SUPT3H: variants seen among roughly 807,000 people sequenced by gnomAD.
SUPT3H encodes the protein transcription initiation protein SPT3 homolog.
In SUPT3H, 44 loss-of-function variants were observed where a neutral mutation model predicts 44.3. The observed-to-expected ratio is 0.99, with a 90% CI of 0.78 to 1.28. SUPT3H has a LOEUF of 1.28. SUPT3H is among the 50% of genes most tolerant of loss of function. The pLI, the probability that SUPT3H is intolerant of heterozygous loss-of-function variation, is 0.00. For synonymous variants in SUPT3H, 124 were observed against 125.6 expected (o/e 0.99, Z 0.09); for missense variants, 380 against 387.1 (o/e 0.98, Z 0.15).
At chr6:44,850,714 G>A (rs548458350) in intron 10 of SUPT3H, among the ~76,000 whole-genome samples, 11 of 151,928 alleles carry the variant, frequency 7.2e-5, no homozygotes, top group Non-Finnish European at 1.3e-4. Flanking sequence ...ATCCAGGGAA[G>A]CTGGGCTTAT....
rs145015323 is a variant in SUPT3H, at chr6:45,329,595, TC to T, written c.101+35605del. ...ACGTCTAAGATTCTTTTAATCACAT[TC>T]TTGGACCTACCAAAATGAATAACTG... On this transcript the variant is annotated intron_variant, in intron 2 of 10. Coordinates refer to ENST00000371459, the MANE Select transcript of SUPT3H (RefSeq NM_003599.4). Among the ~76,000 whole-genome samples the T allele has an allele frequency of 2.9e-3, 434 of 152,054 alleles. 2 individuals carry two copies. The highest frequency in any genetic ancestry group is 4.4e-3 in the Non-Finnish European group (296 of 67,896).
At position 45,342,270 on chromosome 6, in the gene SUPT3H, A is replaced by AT. The variant is rs567988524; in HGVS notation, c.101+22930dup. On this transcript the variant is annotated intron_variant, in intron 2 of 10. Transcript: ENST00000371459. ...CTAAGTTATATATAACACAATCTCA[A>AT]TTTTTTTTTTGAGACAGTGTGTCGC... Among the ~76,000 whole-genome samples the AT allele has an allele frequency of 5.6e-3, 841 of 150,054 alleles. 8 individuals are homozygous for AT. The highest frequency in any genetic ancestry group is 7.6e-3 in the Non-Finnish European group (509 of 67,248).
At chr6:45,206,129 G>T (rs1392594210) in intron 2 of SUPT3H, among the ~76,000 whole-genome samples, 1 of 152,156 alleles carries the variant, frequency 6.6e-6, no homozygotes, top group Non-Finnish European at 1.5e-5. Context: ...CCATGTGTGA[G>T]AGATACAATA....
chr6:45,176,268 G>C (rs927666450), intron 2 of SUPT3H, among the ~76,000 whole-genome samples: 2 of 150,708 alleles, frequency 1.3e-5, no homozygotes, highest in Non-Finnish European at 3.0e-5. Context: ...CCTGGGAAGC[G>C]CGAGGGGTCA....
intron 2 of SUPT3H, among the ~76,000 whole-genome samples, chr6:45,182,385 C>T (rs1584100121): frequency 6.6e-6 from 1 of 152,182 alleles, no homozygotes; most frequent in Admixed American, 6.5e-5. Flanking sequence ...CTCAAGCCCT[C>T]CAGGTAGCTG....
At chr6:45,340,176 T>C (rs1415320308) in intron 2 of SUPT3H, among the ~76,000 whole-genome samples, 1 of 152,176 alleles carries the variant, frequency 6.6e-6, no homozygotes. Flanking sequence ...TCTAAAGTTA[T>C]TAAACCAATA....
At chr6:45,298,640 C>T (rs1258158600) in intron 2 of SUPT3H, among the ~76,000 whole-genome samples, 1 of 151,746 alleles carries the variant, frequency 6.6e-6, no homozygotes, top group Non-Finnish European at 1.5e-5. Flanking sequence ...ATCCAAACAA[C>T]ACTTTGTAAA....
chr6:44,897,242 AC>A (rs1235811793), intron 10 of SUPT3H, among the ~76,000 whole-genome samples: 1 of 152,216 alleles, frequency 6.6e-6, no homozygotes, highest in African/African-American at 2.4e-5. Flanking sequence ...GCTGGGGTTA[AC>A]CTCAACTCTT....
chr6:45,232,727 A>G (rs1768287983), intron 2 of SUPT3H, among the ~76,000 whole-genome samples: 1 of 151,930 alleles, frequency 6.6e-6, no homozygotes, highest in East Asian at 1.9e-4. Flanking sequence ...CAGACACACA[A>G]CTCTCAGGTT....
chr6:45,265,176 T>TA (rs1248534811), intron 2 of SUPT3H, among the ~76,000 whole-genome samples: 1 of 152,164 alleles, frequency 6.6e-6, no homozygotes, highest in Admixed American at 6.5e-5. Context: ...GACCTCTCAA[T>TA]AGGACACCTA....
intron 2 of SUPT3H, among the ~76,000 whole-genome samples, chr6:45,304,110 G>A (rs979064910): frequency 1.3e-5 from 2 of 152,056 alleles, no homozygotes; most frequent in African/African-American, 4.8e-5. Context: ...TACAGATCAG[G>A]ATCAGTAAGA....
At chr6:44,877,654 G>A (rs1582151363) in intron 10 of SUPT3H, among the ~76,000 whole-genome samples, 1 of 152,148 alleles carries the variant, frequency 6.6e-6, no homozygotes. Context: ...TTATGTGTGT[G>A]TGTATCTATA....
At chr6:45,030,954 C>T (rs1424348381) in intron 3 of SUPT3H, among the ~76,000 whole-genome samples, 1 of 152,032 alleles carries the variant, frequency 6.6e-6, no homozygotes, top group Admixed American at 6.6e-5. Flanking sequence ...GAAGAGTGTT[C>T]CAGAATCTTT....
intron 6 of SUPT3H, among the ~76,000 whole-genome samples, chr6:44,999,252 T>C (rs1011034217): frequency 2.0e-5 from 3 of 152,002 alleles, no homozygotes; most frequent in Non-Finnish European, 2.9e-5. Context: ...TGATTCTTCA[T>C]GGATGGTTGA....
chr6:44,835,276 G>C (rs1453713980), intron 10 of SUPT3H, among the ~76,000 whole-genome samples: 1 of 151,944 alleles, frequency 6.6e-6, no homozygotes, highest in Non-Finnish European at 1.5e-5. Flanking sequence ...TAAAAGGGAC[G>C]ATAAAAAAGA....
intron 11 of SUPT3H, among the ~76,000 whole-genome samples, chr6:44,815,193 GTTT>G (rs760915472): frequency 2.6e-5 from 4 of 152,064 alleles, no homozygotes; most frequent in Non-Finnish European, 4.4e-5. Flanking sequence ...AGTCTTCTGA[GTTT>G]TTTGTTTGCA....
chr6:44,839,916 G>A (rs1253875295), intron 10 of SUPT3H, among the ~76,000 whole-genome samples: 1 of 151,872 alleles, frequency 6.6e-6, no homozygotes, highest in East Asian at 2.0e-4. Flanking sequence ...TAGCCAGGAT[G>A]GTCTCGATCT....
intron 2 of SUPT3H, among the ~76,000 whole-genome samples, chr6:45,214,749 T>C (rs1361204101): frequency 6.6e-6 from 1 of 151,970 alleles, no homozygotes; most frequent in African/African-American, 2.4e-5. Flanking sequence ...CTCGGGAGGG[T>C]AAGGGAGGAA....
intron 3 of SUPT3H, among the ~76,000 whole-genome samples, chr6:45,038,674 A>AT (rs997662440): frequency 1.3e-5 from 2 of 152,068 alleles, no homozygotes; most frequent in East Asian, 1.9e-4. Context: ...TAATTCTGTA[A>AT]TTTTTTTTAA....
Sources: allele counts gnomAD v4.1 joint callset (sites outside exome capture counted in the v4.1 genomes callset), GRCh38; gene constraint gnomAD v4.1.1; transcripts MANE v1.5; gene names NCBI Gene and HGNC (gene_info 2026-07-23, HGNC 2026-07-21).